RNF170: variants seen among roughly 807,000 people sequenced by gnomAD.
RNF170 encodes E3 ubiquitin-protein ligase RNF170.
Under a neutral mutation model 32.7 loss-of-function variants are expected in RNF170, and 12 were observed. The observed-to-expected ratio is 0.37, with a 90% confidence interval of 0.24 to 0.60. RNF170 has a LOEUF of 0.60. RNF170 is among the 20% of genes least tolerant of loss of function. RNF170 has a pLI of 0.72. For synonymous variants in RNF170, 91 were observed against 103.6 expected, an observed-to-expected ratio of 0.88 and a Z score of 0.74; for missense variants, 212 against 311.2, an observed-to-expected ratio of 0.68 and a Z score of 2.40.
chr8:42,875,694 A>C (rs1804868793), intron 2 of RNF170, among the ~76,000 whole-genome samples: 1 of 152,196 alleles, frequency 6.6e-6, no homozygotes, highest in African/African-American at 2.4e-5. Flanking sequence ...CTCTTGCCTC[A>C]GCCTCCTGAG....
In RNF170 at chr8:42,853,710, C is replaced by CT; in HGVS notation, c.*2448dup. The CT allele has an allele frequency of 7.8e-7, 1 of 1,287,148 alleles. No homozygotes were observed. Among genetic ancestry groups the CT allele is most frequent in the South Asian group, 1.2e-5 (1 of 80,934 alleles). 79.7% of individuals were successfully genotyped at this position (1,287,148 alleles called of 1,614,324 possible). On this transcript the variant is annotated 3_prime_UTR_variant, in exon 7 of 7. Transcript: ENST00000527424. The stretch of plus-strand genomic sequence containing the variant: ...TCAAAACTCTGATTGACTCTACTTG[C>CT]TTTAAAAACTCTCAGATCCCTTCTG...
chr8:42,857,353 T>A (rs984015179), intron 6 of RNF170, among the ~76,000 whole-genome samples: 3 of 152,220 alleles, frequency 2.0e-5, no homozygotes, highest in African/African-American at 7.2e-5. Flanking sequence ...CTTCCTATGT[T>A]CTGTGGAAGA....
At chr8:42,863,976 A>AGTGT (rs1304462129) in intron 5 of RNF170, among the ~76,000 whole-genome samples, 1 of 109,926 alleles carries the variant, frequency 9.1e-6, no homozygotes, top group African/African-American at 3.7e-5. Context: ...AGAGAGAGAG[A>AGTGT]GAGAGTGTGT....
chr8:42,870,937 G>A (rs778851447), intron 3 of RNF170, among the ~76,000 whole-genome samples: 33 of 151,342 alleles, frequency 2.2e-4, no homozygotes, highest in Non-Finnish European at 4.7e-4. Flanking sequence ...GGCCGGGCAC[G>A]GTGGCTCACA....
intron 5 of RNF170, among the ~76,000 whole-genome samples, chr8:42,862,364 A>T (rs1803723927): frequency 6.6e-6 from 1 of 152,096 alleles, no homozygotes; most frequent in African/African-American, 2.4e-5. Flanking sequence ...CTACTATAAT[A>T]AAAAAAAGAA....
Position 42,896,583 on chromosome 8 carries a change from G to A in RNF170, c.-107C>T, listed in dbSNP as rs1302051820. 1 of 453,676 alleles carries A rather than the reference G, an allele frequency of 2.2e-6. No individual in the cohort carries two copies. Among genetic ancestry groups the A allele is most frequent in the Non-Finnish European group, 4.4e-6 (1 of 226,700 alleles). The allele number at this position is 453,676 out of a possible 1,614,324, so 28.1% of individuals were successfully genotyped here. A position where few individuals can be genotyped will look rare whatever the true frequency, so the allele number is the denominator to read the frequency against. ...ACCCCTCCCGGGCAACCCACTAGAC[G>A]TCCCCTTTCTAATTTGGAGTGCGGG... On this transcript the variant is annotated 5_prime_UTR_variant, in exon 1 of 7. It adds an upstream start codon to the 5' untranslated region. Coordinates refer to ENST00000527424, the MANE Select transcript of RNF170 (RefSeq NM_030954.4).
chr8:42,887,102 G>C (rs530988076), intron 2 of RNF170, among the ~76,000 whole-genome samples: 72 of 152,298 alleles, frequency 4.7e-4, no homozygotes, highest in Admixed American at 1.0e-3. Flanking sequence ...AGACCAGCCT[G>C]ATCAACATGG....
chr8:42,877,046 C>T (rs895700345), intron 2 of RNF170, among the ~76,000 whole-genome samples: 6 of 150,516 alleles, frequency 4.0e-5, no homozygotes, highest in African/African-American at 9.8e-5. Flanking sequence ...CTCCGTCTCC[C>T]GGGTTCATGC....
In RNF170 at chr8:42,887,742, TA is replaced by T; in HGVS notation, c.122del (p.Val41AspfsTer19). The T allele has an allele frequency of 6.2e-7, 1 of 1,614,144 alleles. No individual in the cohort carries two copies. Among genetic ancestry groups the T allele is most frequent in the Non-Finnish European group, 8.5e-7 (1 of 1,179,990 alleles). The part of the protein sequence containing the change: ...VVSFALIATL[V>X]YALFRNVHQN... ...TTAAATCTCACCTGAAAAGTGCATA[TA>T]CCAGGGTAGCAATCAAAGCGAAACT... On this transcript the variant is annotated frameshift_variant, in exon 2 of 7. Coordinates refer to ENST00000527424, the MANE Select transcript of RNF170 (RefSeq NM_030954.4). LOFTEE classifies it high-confidence loss of function.
chr8:42,896,939 G>T (rs1200137269), upstream of RNF170: 7 of 392,546 alleles, frequency 1.8e-5, no homozygotes, highest in East Asian at 2.6e-4. Context: ...GCGCGGTCCC[G>T]AGTGAAAGGA....
At chr8:42,850,996 C>A (rs1415961590), downstream of RNF170, 20 of 1,551,368 alleles carry the variant, frequency 1.3e-5, no homozygotes, top group Non-Finnish European at 1.6e-5. Flanking sequence ...CTCTGATGAA[C>A]CCTACACACG....
rs1805947652 is a variant in RNF170, at chr8:42,887,807, C to G, written c.58G>C (p.Glu20Gln). The G allele has an allele frequency of 6.2e-7, 1 of 1,613,702 alleles. No homozygotes were observed. The highest frequency in any genetic ancestry group is 8.5e-7 in the Non-Finnish European group (1 of 1,179,702). Residue 20 changes from glutamate to glutamine, a missense_variant, in exon 2 of 7, where the codon GAA becomes CAA. Coordinates refer to ENST00000527424, the MANE Select transcript of RNF170 (RefSeq NM_030954.4). ...SLKLDDDSVI[E>Q]GVSDQVLVAV... is the part of the protein sequence containing the mutation. ...ACAAGTACTTGGTCGCTTACTCCTT[C>G]TATAACTGAATCATCATCCAGTTTC...
upstream of RNF170, chr8:42,896,998 G>T: frequency 1.8e-6 from 1 of 547,350 alleles, no homozygotes; most frequent in Non-Finnish European, 2.8e-6. Context: ...CCAGCGCTGG[G>T]CGAGAGTCGG....
downstream of RNF170, chr8:42,850,534 A>G (rs1052079998): frequency 3.8e-6 from 2 of 523,420 alleles, no homozygotes; most frequent in Admixed American, 3.2e-5. Flanking sequence ...TAATGTGTTG[A>G]GCACTACTGT....
In RNF170 at chr8:42,854,723, T is replaced by G. The variant is rs1424752343; in HGVS notation, c.*1436A>C. On this transcript the variant is annotated 3_prime_UTR_variant, in exon 7 of 7. Transcript: ENST00000527424. ...AATTAATGGATGATATTAATAGCAG[T>G]GATCTCAGATGACAATGCTAACACT... The G allele has an allele frequency of 3.9e-6, 5 of 1,287,436 alleles. No individual in the cohort carries two copies. Among genetic ancestry groups the G allele is most frequent in the South Asian group, 2.5e-5 (2 of 80,932 alleles). The allele number at this position is 1,287,436 out of a possible 1,614,324, so 79.8% of individuals were successfully genotyped here.
At chr8:42,886,996 A>G (rs1805880296) in intron 2 of RNF170, among the ~76,000 whole-genome samples, 1 of 151,976 alleles carries the variant, frequency 6.6e-6, no homozygotes, top group South Asian at 2.1e-4. Context: ...TCTACAAAAA[A>G]ATACAAAAAA....
At position 42,885,785 on chromosome 8, in the gene RNF170, G is replaced by A. The variant is rs201104043; in HGVS notation, c.137+1943C>T. ...TTTGTTTTGTTTTTTCTGAGACAGGGTCTTATTCTGTTGCCCTGGCTGAAA... is the reference window on the plus strand; with the variant it reads ...TTTGTTTTGTTTTTTCTGAGACAGGATCTTATTCTGTTGCCCTGGCTGAAA... On this transcript the variant is annotated intron_variant, in intron 2 of 6. Coordinates refer to ENST00000527424, the MANE Select transcript of RNF170 (RefSeq NM_030954.4). Among the ~76,000 whole-genome samples the A allele has an allele frequency of 3.3e-5, 5 of 152,110 alleles. No homozygotes were observed. The East Asian group carries it at 9.7e-4, about 29-fold the overall frequency.
intron 2 of RNF170, among the ~76,000 whole-genome samples, chr8:42,877,502 C>T (rs1805042437): frequency 1.3e-5 from 2 of 152,088 alleles, no homozygotes; most frequent in Admixed American, 1.3e-4. Flanking sequence ...TTATAACAAG[C>T]CAAACTGATT....
At chr8:42,896,912 A>T, upstream of RNF170, 1 of 355,432 alleles carries the variant, frequency 2.8e-6, no homozygotes, top group Non-Finnish European at 5.0e-6. Flanking sequence ...GCGTGTCCGA[A>T]GTCGCGCGCG....
Sources: allele counts gnomAD v4.1 joint callset (sites outside exome capture counted in the v4.1 genomes callset), GRCh38; gene constraint gnomAD v4.1.1; transcripts MANE v1.5; gene names NCBI Gene and HGNC (gene_info 2026-07-23, HGNC 2026-07-21).